The following TK2 variants were observed in gnomAD, a reference collection of about 807,000 sequenced individuals.
TK2 encodes thymidine kinase 2, mitochondrial.
In TK2, 35 loss-of-function variants were observed where a neutral mutation model predicts 41.9. That is an observed-to-expected ratio of 0.84 (90% CI 0.64 to 1.11). The LOEUF (loss-of-function observed/expected upper bound fraction) is 1.11, where lower values mean the gene tolerates loss of function less well. Ranked by LOEUF, TK2 falls within the 50% of genes least tolerant of loss-of-function variation. TK2 has a pLI of 0.00. For missense variants in TK2, 320 were observed against 351.1 expected (o/e 0.91, Z 0.71); for synonymous variants, 128 against 129.1 (o/e 0.99, Z 0.06).
At position 66,508,882 on chromosome 16, in the gene TK2, G is replaced by C. The variant is rs1964367825; in HGVS notation, c.*3086C>G. 6.6e-6 allele frequency: 1 copy of C among 152,248 alleles called. No homozygotes were observed. Among genetic ancestry groups the C allele is most frequent in the Non-Finnish European group, 1.5e-5 (1 of 68,046 alleles). 9.4% of individuals were successfully genotyped at this position (152,248 alleles called of 1,614,324 possible). On this transcript the variant is annotated 3_prime_UTR_variant, in exon 10 of 10. Transcript: ENST00000544898. ...GTAAATTCGGTCACTCATGTTATTG[G>C]AACAAGGATGAGGTGGTTTCATTCC...
chr16:66,547,535 T>C (rs1965645685), intron 2 of TK2, among the ~76,000 whole-genome samples: 1 of 152,102 alleles, frequency 6.6e-6, no homozygotes, highest in South Asian at 2.1e-4. Context: ...CACTCCTGCC[T>C]CAAACTCTGC....
At chr16:66,543,487 G>A (rs888919762) in intron 2 of TK2, among the ~76,000 whole-genome samples, 1 of 152,112 alleles carries the variant, frequency 6.6e-6, no homozygotes, top group Admixed American at 6.5e-5. Context: ...CAATACATAA[G>A]ACAAACTGTC....
At chr16:66,513,648 C>T in intron 9 of TK2, 83 bp downstream of exon 9, 4 of 1,273,178 alleles carry the variant, frequency 3.1e-6, no homozygotes, top group Non-Finnish European at 4.6e-6. Flanking sequence ...CTGTGCCCTC[C>T]CCTGTCTGCA....
At chr16:66,543,663 A>G (rs758148592) in intron 2 of TK2, among the ~76,000 whole-genome samples, 2 of 152,208 alleles carry the variant, frequency 1.3e-5, no homozygotes, top group Non-Finnish European at 1.5e-5. Context: ...AATCAGAATT[A>G]GAATTCACAT....
rs956592026 is a variant in TK2, at chr16:66,511,168, T to C, written c.*800A>G. The C allele has an allele frequency of 2.0e-5, 3 of 152,524 alleles. No individual in the cohort carries two copies. The highest frequency in any genetic ancestry group is 4.4e-5 in the Non-Finnish European group (3 of 68,416). 9.4% of individuals were successfully genotyped at this position (152,524 alleles called of 1,614,324 possible). On this transcript the variant is annotated 3_prime_UTR_variant, in exon 10 of 10. Coordinates refer to ENST00000544898, the MANE Select transcript of TK2 (RefSeq NM_004614.5). Reference sequence around the variant, plus strand: ...GGCAGCAGTTCAAGCAGGACCTTAATCACCAAGGAGACTGAGCACCCTTCA... The same window carrying C: ...GGCAGCAGTTCAAGCAGGACCTTAACCACCAAGGAGACTGAGCACCCTTCA...
intron 6 of TK2, among the ~76,000 whole-genome samples, chr16:66,518,580 C>T (rs985293604): frequency 9.2e-5 from 14 of 152,114 alleles, no homozygotes; most frequent in African/African-American, 1.7e-4. Flanking sequence ...ATGCTCACCG[C>T]GGCACTGTTT....
At chr16:66,532,519 C>A (rs531026027) in intron 4 of TK2, among the ~76,000 whole-genome samples, 4 of 151,924 alleles carry the variant, frequency 2.6e-5, no homozygotes, top group Admixed American at 2.6e-4. Context: ...ACATGAGAAT[C>A]GCTTGAACCC....
At position 66,512,792 on chromosome 16, in the gene TK2, C is replaced by G. The variant is rs549547597; in HGVS notation, c.700-726G>C. On this transcript the variant is annotated intron_variant, in intron 9 of 9. Transcript: ENST00000544898. ...AGTGAGGCTCTGTCTCAAAAACAAACAAACAAAAAATTACTACAGTAATAT... is the reference window on the plus strand; with the variant it reads ...AGTGAGGCTCTGTCTCAAAAACAAAGAAACAAAAAATTACTACAGTAATAT... 3.9e-5 allele frequency among the ~76,000 whole-genome samples: 6 copies of G among 152,206 alleles called. No homozygotes were observed. In the South Asian group the frequency reaches 1.2e-3, roughly 32 times the overall value.
chr16:66,545,830 GA>G lies in TK2; in HGVS notation c.156+3147del, dbSNP rs368176818. Among the ~76,000 whole-genome samples, 986 of 131,574 alleles carry G rather than the reference GA, an allele frequency of 7.5e-3. 3 individuals carry two copies. Among genetic ancestry groups the G allele is most frequent in the African/African-American group, 0.022 (783 of 35,786 alleles). The allele number at this position is 131,574 out of a possible 152,430, so 86.3% of individuals were successfully genotyped here. A position where few individuals can be genotyped will look rare whatever the true frequency, so the allele number is the denominator to read the frequency against. On this transcript the variant is annotated intron_variant, in intron 2 of 9. Coordinates refer to ENST00000544898, the MANE Select transcript of TK2 (RefSeq NM_004614.5). ...CAGAGAGAAACTCCATCTCAAAAAAGAAAAAAAAAAAATGTGCTAAGTGAAA... is the reference window on the plus strand; with the variant it reads ...CAGAGAGAAACTCCATCTCAAAAAAGAAAAAAAAAAATGTGCTAAGTGAAA...
rs1315877736 is a variant in TK2, at chr16:66,512,029, T to A, written c.737A>T (p.Glu246Val). ...EADHHMERML[E>V]LFEQNRDRIL... ...TCGATCCCGATTTTGTTCAAAGAGT[T>A]CTAACATCCTCTCCATGTGGTGGTC... Residue 246 changes from glutamate (E) to valine (V), a missense_variant, in exon 10 of 10, where the codon GAA (glutamate) becomes GTA (valine). By Grantham distance (121) the Glu-to-Val change is moderately radical. Coordinates refer to ENST00000544898, the MANE Select transcript of TK2 (RefSeq NM_004614.5). The A allele has an allele frequency of 2.5e-6, 4 of 1,614,202 alleles. No homozygotes were observed. The highest frequency in any genetic ancestry group is 3.4e-6 in the Non-Finnish European group (4 of 1,180,048).
intron 1 of TK2, 28 bp downstream of exon 1, chr16:66,549,910 T>C: frequency 1.2e-5 from 16 of 1,345,100 alleles, no homozygotes; most frequent in Non-Finnish European, 1.5e-5. Flanking sequence ...TAGGGGCTCC[T>C]GGGAGGCGGG....
intron 6 of TK2, among the ~76,000 whole-genome samples, chr16:66,520,853 G>A (rs1007227579): frequency 6.6e-6 from 1 of 152,168 alleles, no homozygotes; most frequent in African/African-American, 2.4e-5. Context: ...TTCCTTTTCT[G>A]GAAAAAGAAG....
intron 6 of TK2, among the ~76,000 whole-genome samples, chr16:66,521,516 T>G (rs1348827183): frequency 6.6e-6 from 1 of 152,192 alleles, no homozygotes; most frequent in South Asian, 2.1e-4. Context: ...TTGAAAACCC[T>G]TCCATGACTA....
chr16:66,520,377 C>T (rs959258072), intron 6 of TK2, among the ~76,000 whole-genome samples: 3 of 152,174 alleles, frequency 2.0e-5, no homozygotes, highest in Non-Finnish European at 4.4e-5. Flanking sequence ...CTCACCCCAC[C>T]CCAAGCTTCC....
At chr16:66,532,075 G>C (rs1280976532) in intron 4 of TK2, among the ~76,000 whole-genome samples, 1 of 148,752 alleles carries the variant, frequency 6.7e-6, no homozygotes, top group Non-Finnish European at 1.5e-5. Context: ...AATATACCCA[G>C]GTAACAAACC....
intron 2 of TK2, among the ~76,000 whole-genome samples, chr16:66,543,560 A>C (rs1965519535): frequency 1.3e-5 from 2 of 152,206 alleles, no homozygotes; most frequent in African/African-American, 4.8e-5. Context: ...CCTGCTGCAC[A>C]GAGGCCTGTT....
In TK2 at chr16:66,517,778, G is replaced by GTGCA. The variant is rs1567526350; in HGVS notation, c.538+7_538+10dup. ...GAGACAAGAGAGGGAGGTGGGAGGG[G>GTGCA]TGCATCTCACCTATCAAATCAACAG... On this transcript the variant is annotated intron_variant, in intron 7 of 9. Coordinates refer to ENST00000544898, the MANE Select transcript of TK2 (RefSeq NM_004614.5). This position sits in a 1 kb window ranked among gnomAD's most constrained non-coding sequence, Gnocchi z 4.3. 1 of 1,611,712 alleles carries GTGCA rather than the reference G, an allele frequency of 6.2e-7. No individual in the cohort carries two copies. The highest frequency in any genetic ancestry group is 2.2e-5 in the East Asian group (1 of 44,826).
chr16:66,539,770 A>G (rs75938790), intron 3 of TK2, among the ~76,000 whole-genome samples: 10,471 of 152,206 alleles, frequency 0.069, 514 homozygotes, highest in South Asian at 0.17. Flanking sequence ...GTGACAATAC[A>G]TGTGAAATGT....
intron 9 of TK2, among the ~76,000 whole-genome samples, chr16:66,512,332 A>C (rs1248890966): frequency 6.6e-6 from 1 of 152,172 alleles, no homozygotes; most frequent in Non-Finnish European, 1.5e-5. Context: ...GGAGGCTGAG[A>C]CCTGAAGATT....
Sources: gnomAD v4.1 joint callset for allele counts (sites outside exome capture counted in the v4.1 genomes callset) on GRCh38, gnomAD v4.1.1 for gene constraint, Gnocchi (gnomAD v3.1) non-coding constraint, MANE v1.5 for transcripts, NCBI Gene and HGNC (gene_info 2026-07-23, HGNC 2026-07-21) for gene names.